Variants in CNTN4 observed in about 807,000 individuals in gnomAD.
CNTN4 encodes contactin-4.
CNTN4 carries 77 observed loss-of-function variants against 122.5 expected under a neutral mutation model. The ratio of observed to expected loss-of-function variants is 0.63; its 90% CI spans 0.52 to 0.76. The LOEUF is 0.76. Among genes scored for constraint, CNTN4 ranks in the 30% least tolerant of loss-of-function variants. The probability of loss-of-function intolerance (pLI) is 0.00; values close to 1 mark genes in which losing one functional copy is unlikely to be tolerated. For missense variants in CNTN4, 1,256 were observed against 1,259.1 expected (o/e 1.00, Z 0.04); for synonymous variants, 512 against 447.0 (o/e 1.15, Z -1.83).
intron 2 of CNTN4, among the ~76,000 whole-genome samples, chr3:2,330,382 A>G (rs1336299463): frequency 6.6e-6 from 1 of 152,144 alleles, no homozygotes; most frequent in Admixed American, 6.5e-5. Flanking sequence ...ACCATTGGCC[A>G]GTGGTGGTTG....
rs76865753 is a variant in CNTN4, at chr3:2,497,574, A to G, written c.-88-73842A>G. Among the ~76,000 whole-genome samples, 849 of 152,296 alleles carry G rather than the reference A, an allele frequency of 5.6e-3. 7 individuals are homozygous for G. The highest frequency in any genetic ancestry group is 0.02 in the African/African-American group (821 of 41,570). On this transcript the variant is annotated intron_variant, in intron 3 of 24. Transcript: ENST00000418658. ...TTTGAGGATTTAGGGGTGGGAGTTAAGTCTCATAAGATCCAGGTGAAGTTA... is the reference window on the plus strand; with the variant it reads ...TTTGAGGATTTAGGGGTGGGAGTTAGGTCTCATAAGATCCAGGTGAAGTTA...
chr3:2,503,192 G>A (rs1232822006), intron 3 of CNTN4, among the ~76,000 whole-genome samples: 2 of 152,072 alleles, frequency 1.3e-5, no homozygotes, highest in African/African-American at 4.8e-5. Context: ...TGATTAGATG[G>A]GGAGGAGAGA....
chr3:2,194,607 T>A (rs1308804146), intron 2 of CNTN4, among the ~76,000 whole-genome samples: 2 of 152,160 alleles, frequency 1.3e-5, no homozygotes, highest in African/African-American at 4.8e-5. Context: ...GTAAATAGGA[T>A]TGTTGCATGC....
At chr3:2,531,247 G>A (rs140062563) in intron 3 of CNTN4, among the ~76,000 whole-genome samples, 20 of 152,302 alleles carry the variant, frequency 1.3e-4, no homozygotes, top group African/African-American at 3.8e-4. Flanking sequence ...TCTTCAGGGT[G>A]TTTTCCCTTC....
rs1214979217 is a variant in CNTN4 at position 2,708,727 on chromosome 3, T to TCTCA, written c.56-27487_56-27486insTCAC. 8.9e-4 allele frequency among the ~76,000 whole-genome samples: 135 copies of TCTCA among 151,008 alleles called. 1 individual carries two copies. The highest frequency in any genetic ancestry group is 2.5e-3 in the African/African-American group (102 of 41,202). Reference sequence around the variant, plus strand: ...GCACGCAGGCACGCGCACGCGCGCATCACACACACACACACACACACACAC... The same window carrying TCTCA: ...GCACGCAGGCACGCGCACGCGCGCATCTCACACACACACACACACACACACACAC... On this transcript the variant is annotated intron_variant, in intron 4 of 24. Coordinates refer to ENST00000418658, the MANE Select transcript of CNTN4 (RefSeq NM_175607.3).
intron 2 of CNTN4, among the ~76,000 whole-genome samples, chr3:2,244,813 CAT>C (rs66467464): frequency 0.023 from 3,506 of 152,064 alleles, 121 homozygotes; most frequent in African/African-American, 0.08. Context: ...AGCATGGAAA[CAT>C]GTGGCGATTG....
chr3:2,758,845 A>G (rs1486985756), intron 6 of CNTN4, among the ~76,000 whole-genome samples: 2 of 152,086 alleles, frequency 1.3e-5, no homozygotes, highest in Non-Finnish European at 2.9e-5. Flanking sequence ...CTTTGTTAAG[A>G]TACCATACCA....
chr3:2,561,962 A>T (rs1222168140), intron 3 of CNTN4, among the ~76,000 whole-genome samples: 2 of 152,148 alleles, frequency 1.3e-5, no homozygotes, highest in African/African-American at 4.8e-5. Context: ...GGGACAGAGG[A>T]GTGGAGGTGC....
chr3:2,242,645 A>G (rs1021768254), intron 2 of CNTN4, among the ~76,000 whole-genome samples: 5 of 152,230 alleles, frequency 3.3e-5, no homozygotes, highest in South Asian at 2.1e-4. Context: ...AGTCAGTTCA[A>G]TCTTCCTGTG....
At chr3:2,525,936 C>G (rs572663638) in intron 3 of CNTN4, among the ~76,000 whole-genome samples, 1 of 152,238 alleles carries the variant, frequency 6.6e-6, no homozygotes, top group Admixed American at 6.5e-5. Flanking sequence ...TACCTCCACC[C>G]CCATTGCTAC....
At chr3:2,651,098 CTG>C (rs2083337304) in intron 4 of CNTN4, among the ~76,000 whole-genome samples, 1 of 152,150 alleles carries the variant, frequency 6.6e-6, no homozygotes, top group South Asian at 2.1e-4. Flanking sequence ...GTCAAAAAGA[CTG>C]TTACGGTCTT....
chr3:2,521,173 A>C (rs926816446), intron 3 of CNTN4, among the ~76,000 whole-genome samples: 1 of 152,056 alleles, frequency 6.6e-6, no homozygotes. Context: ...GATGAACAAA[A>C]GTTTTTCAGA....
At chr3:2,631,751 A>G (rs925752383) in intron 4 of CNTN4, among the ~76,000 whole-genome samples, 1 of 151,686 alleles carries the variant, frequency 6.6e-6, no homozygotes, top group African/African-American at 2.4e-5. Context: ...ATTTCTGGCC[A>G]GGCATGATGA....
intron 3 of CNTN4, among the ~76,000 whole-genome samples, chr3:2,433,835 C>CGA (rs2048166145): frequency 6.6e-6 from 1 of 152,084 alleles, no homozygotes; most frequent in African/African-American, 2.4e-5. Flanking sequence ...ATTCTACTTG[C>CGA]GAGTGTCTTG....
At chr3:2,668,747 A>G (rs1320935062) in intron 4 of CNTN4, among the ~76,000 whole-genome samples, 1 of 152,118 alleles carries the variant, frequency 6.6e-6, no homozygotes, top group Non-Finnish European at 1.5e-5. Flanking sequence ...GATAGTTCTT[A>G]TTATTTTGAG....
Position 2,683,456 on chromosome 3 carries a change from T to C in CNTN4, c.56-52759T>C, listed in dbSNP as rs543266821. Among the ~76,000 whole-genome samples, 5 of 123,278 alleles carry C rather than the reference T, an allele frequency of 4.1e-5. No homozygotes were observed. In the East Asian group the frequency reaches 1.1e-3, roughly 28 times the overall value. 80.9% of individuals were successfully genotyped at this position (123,278 alleles called of 152,430 possible). A position where few individuals can be genotyped will look rare whatever the true frequency, so the allele number is the denominator to read the frequency against. On this transcript the variant is annotated intron_variant, in intron 4 of 24. Transcript: ENST00000418658. ...AGAATTACATGCTTATTCTTGAATATAAGTCAGTTTGGTCTCTCTGAACAC... is the reference window on the plus strand; with the variant it reads ...AGAATTACATGCTTATTCTTGAATACAAGTCAGTTTGGTCTCTCTGAACAC...
intron 18 of CNTN4, among the ~76,000 whole-genome samples, chr3:3,038,447 G>A (rs1230167863): frequency 2.0e-5 from 3 of 152,014 alleles, no homozygotes; most frequent in Admixed American, 6.5e-5. Context: ...ACTCCGGAAC[G>A]CCCCCCGCTT....
At chr3:2,478,395 T>C (rs1002368134) in intron 3 of CNTN4, among the ~76,000 whole-genome samples, 2 of 117,482 alleles carry the variant, frequency 1.7e-5, no homozygotes, top group East Asian at 4.8e-4. Flanking sequence ...AGTTGTCTTT[T>C]CTTTATCTGT....
At chr3:2,846,535 C>T (rs1041898698) in intron 7 of CNTN4, among the ~76,000 whole-genome samples, 1 of 152,144 alleles carries the variant, frequency 6.6e-6, no homozygotes, top group African/African-American at 2.4e-5. Context: ...GAGATTAAAA[C>T]ACTGGTTATT....
Sources: allele counts gnomAD v4.1 joint callset (sites outside exome capture counted in the v4.1 genomes callset), GRCh38; gene constraint gnomAD v4.1.1; transcripts MANE v1.5; gene names NCBI Gene and HGNC (gene_info 2026-07-23, HGNC 2026-07-21).